Variants in AFAP1 observed in about 807,000 individuals in gnomAD.
The protein encoded by AFAP1 is actin filament associated protein 1, also known as actin filament-associated protein 1.
A neutral mutation model predicts 93.9 loss-of-function variants in AFAP1; 75 were observed. The ratio of observed to expected loss-of-function variants is 0.80; its 90% CI spans 0.66 to 0.97. AFAP1 has a LOEUF of 0.97. AFAP1 is among the 50% of genes least tolerant of loss of function. The probability of loss-of-function intolerance (pLI) is 0.00; values close to 1 mark genes in which losing one functional copy is unlikely to be tolerated. For synonymous variants in AFAP1, 517 were observed against 430.7 expected (o/e 1.20, Z -2.48); for missense variants, 1,201 against 1,050.8 (o/e 1.14, Z -1.98).
chr4:7,871,530 G>A (rs1717043580), intron 2 of AFAP1, among the ~76,000 whole-genome samples: 1 of 152,182 alleles, frequency 6.6e-6, no homozygotes, highest in Non-Finnish European at 1.5e-5. Flanking sequence ...GACCCTCGTG[G>A]GAGGGACAGA....
chr4:7,875,395 A>C (rs1717435952), intron 1 of AFAP1, among the ~76,000 whole-genome samples: 1 of 152,212 alleles, frequency 6.6e-6, no homozygotes, highest in South Asian at 2.1e-4. Context: ...AGTTGGACTA[A>C]GTACACCTTT....
At position 7,781,598 on chromosome 4, in the gene AFAP1, G is replaced by A. The variant is rs1186645216; in HGVS notation, c.1560C>T (p.Ser520=). The change falls in exon 13 of 18, where the codon TCC becomes TCT. Residue 520 remains serine (S), a synonymous_variant. Transcript: ENST00000420658. ...CCTCTTCTCCCAAGCCTCTGCTGCA[G>A]GAAGCAGGAAAGCCGTCTTCCGGTT... ...SWEPEDGFPA[S]CSRGLGEEVL... is the part of the protein sequence containing the mutation. 3 of 1,551,824 alleles carry A rather than the reference G, an allele frequency of 1.9e-6. No homozygotes were observed. The highest frequency in any genetic ancestry group is 2.6e-6 in the Non-Finnish European group (3 of 1,147,038).
chr4:7,936,924 C>A (rs1475067332), intron 1 of AFAP1, among the ~76,000 whole-genome samples: 1 of 152,108 alleles, frequency 6.6e-6, no homozygotes, highest in African/African-American at 2.4e-5. Context: ...TTACACAAAG[C>A]CAAGTACATC....
intron 11 of AFAP1, among the ~76,000 whole-genome samples, chr4:7,792,296 C>G (rs1050934739): frequency 1.2e-4 from 18 of 152,144 alleles, no homozygotes; most frequent in African/African-American, 4.1e-4. Context: ...TTTCCCCAAG[C>G]ATGACTTCTG....
intron 3 of AFAP1, among the ~76,000 whole-genome samples, chr4:7,864,167 A>ATTCCCAACTTCCCATCACAACACATT (rs1577313455): frequency 1.7e-4 from 21 of 125,830 alleles, no homozygotes; most frequent in Admixed American, 2.5e-4. Context: ...ATCACAACCC[A>ATTCCCAACTTCCCATCACAACACATT]CAGGTCCTTT....
At position 7,800,593 on chromosome 4, in the gene AFAP1, T is replaced by G. The variant is rs894569169; in HGVS notation, c.1115A>C (p.Asn372Thr). Residue 372 changes from asparagine to threonine, a missense_variant, in exon 10 of 18, where the codon AAC becomes ACC. Coordinates refer to ENST00000420658, the MANE Select transcript of AFAP1 (RefSeq NM_001134647.2). ...CCTGTCCTTGTGGAAAATGAGCTTG[T>G]TATCTTTCACTCGGCACCAGCGCTC... ...WRERWCRVKD[N>T]KLIFHKDRTD... The G allele has an allele frequency of 1.9e-6, 3 of 1,614,094 alleles. No homozygotes were observed. The highest frequency in any genetic ancestry group is 1.3e-5 in the African/African-American group (1 of 74,932).
chr4:7,879,819 C>T (rs1015629629), intron 1 of AFAP1, among the ~76,000 whole-genome samples: 2 of 151,536 alleles, frequency 1.3e-5, no homozygotes, highest in Admixed American at 6.6e-5. Context: ...GCACGCACCA[C>T]GACGCCCAAC....
intron 1 of AFAP1, among the ~76,000 whole-genome samples, chr4:7,916,556 G>T (rs28502784): frequency 0.36 from 54,092 of 152,036 alleles, 11,144 homozygotes; most frequent in East Asian, 0.58. Flanking sequence ...CACTTACTAT[G>T]ATAGCTGATT....
intron 11 of AFAP1, among the ~76,000 whole-genome samples, chr4:7,787,268 C>T (rs939141983): frequency 3.9e-5 from 6 of 152,204 alleles, no homozygotes; most frequent in Admixed American, 2.6e-4. Flanking sequence ...GGCACGGGAG[C>T]GCTGTGCCCC....
chr4:7,849,784 G>A (rs1358793664), intron 4 of AFAP1, among the ~76,000 whole-genome samples: 1 of 152,100 alleles, frequency 6.6e-6, no homozygotes, highest in African/African-American at 2.4e-5. Context: ...TCCTCACTTT[G>A]GCAATATCAT....
chr4:7,837,762 T>C (rs1305315057), intron 6 of AFAP1, among the ~76,000 whole-genome samples: 2 of 152,204 alleles, frequency 1.3e-5, no homozygotes, highest in Admixed American at 6.5e-5. Context: ...CTCACACTTG[T>C]AATCCCAGCA....
chr4:7,789,206 G>T (rs1717597720), intron 11 of AFAP1, among the ~76,000 whole-genome samples: 1 of 152,098 alleles, frequency 6.6e-6, no homozygotes, highest in African/African-American at 2.4e-5. Context: ...TCTTGTGCTT[G>T]GTGTCTTTCC....
At chr4:7,906,509 C>T (rs1719411702) in intron 1 of AFAP1, among the ~76,000 whole-genome samples, 1 of 152,194 alleles carries the variant, frequency 6.6e-6, no homozygotes, top group South Asian at 2.1e-4. Flanking sequence ...ATTTGGGCAA[C>T]CGCAGTATCT....
rs1433391283 is a variant in AFAP1, at chr4:7,843,202, C to A, written c.483G>T (p.Leu161=). 6.2e-7 allele frequency: 1 copy of A among 1,614,104 alleles called. No individual in the cohort carries two copies. The highest frequency in any genetic ancestry group is 8.5e-7 in the Non-Finnish European group (1 of 1,180,050). ...VKDAKICAFL[L]RKKRFGQWTK... is the part of the protein sequence containing the mutation. ...TCCACTGGCCGAACCGCTTCTTCCG[C>A]AGCAGGAAGGCGCAGATTTTGGCGT... Residue 161 remains leucine, a synonymous_variant, in exon 5 of 18, where the codon CTG becomes CTT. Coordinates refer to ENST00000420658, the MANE Select transcript of AFAP1 (RefSeq NM_001134647.2).
intron 15 of AFAP1, 185 bp from the exon 16 acceptor site, chr4:7,773,195 T>G: frequency 1.1e-6 from 1 of 931,978 alleles, no homozygotes; most frequent in Non-Finnish European, 1.5e-6. Context: ...TCTCCTACCA[T>G]TTCCCTTTGC....
At chr4:7,895,535 C>T (rs764676004) in intron 1 of AFAP1, among the ~76,000 whole-genome samples, 4 of 152,156 alleles carry the variant, frequency 2.6e-5, no homozygotes, top group Non-Finnish European at 5.9e-5. Flanking sequence ...ATTCCCCACC[C>T]CAAAGAAACC....
At chr4:7,859,903 T>C (rs1387608889) in intron 3 of AFAP1, among the ~76,000 whole-genome samples, 1 of 152,032 alleles carries the variant, frequency 6.6e-6, no homozygotes, top group Non-Finnish European at 1.5e-5. Context: ...ATAATAAAAA[T>C]AGCCATGGTG....
At chr4:7,850,658 G>A (rs186494396) in intron 4 of AFAP1, among the ~76,000 whole-genome samples, 25 of 152,320 alleles carry the variant, frequency 1.6e-4, no homozygotes, top group African/African-American at 5.3e-4. Flanking sequence ...AGCACAGGGC[G>A]CCAGGCCCTG....
intron 16 of AFAP1, 152 bp from the exon 17 acceptor site, chr4:7,769,160 C>T (rs752516698): frequency 2.5e-4 from 265 of 1,061,936 alleles, no homozygotes; most frequent in Non-Finnish European, 3.4e-4. Context: ...TGGTCAGTGC[C>T]TCACCCCCAG....
Sources: gnomAD v4.1 joint callset for allele counts (sites outside exome capture counted in the v4.1 genomes callset) on GRCh38, gnomAD v4.1.1 for gene constraint, MANE v1.5 for transcripts, NCBI Gene and HGNC (gene_info 2026-07-23, HGNC 2026-07-21) for gene names.